TPST1: variants seen among roughly 807,000 people sequenced by gnomAD.
TPST1 encodes tyrosylprotein sulfotransferase 1.
In TPST1, 20 loss-of-function variants were observed where a neutral mutation model predicts 34.8. That is an observed-to-expected ratio of 0.57 (90% CI 0.40 to 0.84). The LOEUF (loss-of-function observed/expected upper bound fraction) is 0.84, where lower values mean the gene tolerates loss of function less well. TPST1 is among the 40% of genes least tolerant of loss of function. The pLI, the probability that TPST1 is intolerant of heterozygous loss-of-function variation, is 0.00. For missense variants in TPST1, 353 were observed against 455.5 expected (o/e 0.78, Z 2.05); for synonymous variants, 152 against 159.4 (o/e 0.95, Z 0.35).
intron 3 of TPST1, among the ~76,000 whole-genome samples, chr7:66,323,490 T>G (rs559679490): frequency 6.6e-6 from 1 of 152,348 alleles, no homozygotes; most frequent in African/African-American, 2.4e-5. Flanking sequence ...TTCTTTATAT[T>G]TTATTATTAT....
At chr7:66,307,858 A>T (rs1207793449) in intron 3 of TPST1, among the ~76,000 whole-genome samples, 1 of 152,224 alleles carries the variant, frequency 6.6e-6, no homozygotes, top group Non-Finnish European at 1.5e-5. Context: ...CATTTTGTCC[A>T]CTTGGTTATT....
chr7:66,214,152 C>A (rs1367310324), intron 1 of TPST1, among the ~76,000 whole-genome samples: 1 of 152,012 alleles, frequency 6.6e-6, no homozygotes, highest in African/African-American at 2.4e-5. Flanking sequence ...AAAAACCATA[C>A]CACACACTCC....
chr7:66,310,008 G>A (rs147840712), intron 3 of TPST1, among the ~76,000 whole-genome samples: 3 of 152,182 alleles, frequency 2.0e-5, no homozygotes, highest in Non-Finnish European at 4.4e-5. Context: ...AGTTATGGTG[G>A]CAAAACAGGT....
At chr7:66,348,487 T>C (rs927455285) in intron 3 of TPST1, among the ~76,000 whole-genome samples, 2 of 152,234 alleles carry the variant, frequency 1.3e-5, no homozygotes, top group Non-Finnish European at 2.9e-5. Context: ...ATTTTTTTTA[T>C]TATTTTAATT....
intron 1 of TPST1, among the ~76,000 whole-genome samples, chr7:66,239,899 TGAGACA>T (rs2116400492): frequency 6.6e-6 from 1 of 152,286 alleles, no homozygotes; most frequent in African/African-American, 2.4e-5. Flanking sequence ...TTTGTTTTTT[TGAGACA>T]GAGTCTTGCT....
chr7:66,332,377 C>T lies in TPST1; in HGVS notation c.1045-20128C>T, dbSNP rs1584247506. Among the ~76,000 whole-genome samples, 1 of 151,916 alleles carries T rather than the reference C, an allele frequency of 6.6e-6. No homozygotes were observed. Among genetic ancestry groups the T allele is most frequent in the South Asian group, 2.1e-4 (1 of 4,812 alleles). ...CCGTCTCCTGAGTTCAAGCGATTCT[C>T]CTGCCTCAGCCTCCCGAGTAGCTGG... On this transcript the variant is annotated intron_variant, in intron 3 of 5. Transcript: ENST00000304842. This position sits in a 1 kb window ranked among gnomAD's most constrained non-coding sequence, Gnocchi z 4.5.
chr7:66,283,255 C>T lies in TPST1; in HGVS notation c.846-3256C>T, dbSNP rs369975826. ...CAGCCTGGGTGACAGAGCAAGAGTC[C>T]GTCTCAAAAAACAAAAACAAAAAAA... is the stretch of plus-strand genomic sequence containing the variant. On this transcript the variant is annotated intron_variant, in intron 2 of 5. Transcript: ENST00000304842. 5.7e-4 allele frequency among the ~76,000 whole-genome samples: 87 copies of T among 151,948 alleles called. 1 individual carries two copies. In the East Asian group the frequency reaches 0.012, roughly 21 times the overall value.
At chr7:66,349,669 C>G (rs74636916) in intron 3 of TPST1, among the ~76,000 whole-genome samples, 2,230 of 152,272 alleles carry the variant, frequency 0.015, 61 homozygotes, top group East Asian at 0.093. Flanking sequence ...TGAACTGGTT[C>G]TGTAAAGCAG....
At chr7:66,224,154 AGCT>A (rs1253408162) in intron 1 of TPST1, among the ~76,000 whole-genome samples, 1 of 152,210 alleles carries the variant, frequency 6.6e-6, no homozygotes, top group Non-Finnish European at 1.5e-5. Context: ...TCTGACCATG[AGCT>A]GACATAAGAA....
At chr7:66,307,778 C>T (rs753211224) in intron 3 of TPST1, among the ~76,000 whole-genome samples, 1 of 152,184 alleles carries the variant, frequency 6.6e-6, no homozygotes, top group Admixed American at 6.5e-5. Flanking sequence ...CTGTTGCTCT[C>T]ACAGTAGGAT....
intron 1 of TPST1, among the ~76,000 whole-genome samples, chr7:66,211,876 G>A (rs1373154306): frequency 6.6e-6 from 1 of 152,186 alleles, no homozygotes; most frequent in African/African-American, 2.4e-5. Flanking sequence ...TGAGGCAGGA[G>A]AATCCCTTGA....
chr7:66,304,347 G>C (rs1584223514), intron 3 of TPST1, among the ~76,000 whole-genome samples: 1 of 152,182 alleles, frequency 6.6e-6, no homozygotes, highest in East Asian at 1.9e-4. Flanking sequence ...CTGCCACGGG[G>C]ATAAAGTGGA....
chr7:66,292,630 T>A, intron 3 of TPST1, among the ~76,000 whole-genome samples: 1 of 122,522 alleles, frequency 8.2e-6, no homozygotes, highest in South Asian at 2.7e-4. Context: ...TCCAGGTGCG[T>A]CCGTCACCCC....
At chr7:66,357,604 G>A (rs1041239863) in intron 5 of TPST1, among the ~76,000 whole-genome samples, 1 of 152,102 alleles carries the variant, frequency 6.6e-6, no homozygotes, top group Non-Finnish European at 1.5e-5. Flanking sequence ...ACATGTCCAG[G>A]GACACCAGCT....
rs368306626 is a variant in TPST1 at position 66,230,178 on chromosome 7, ACT to A, written c.-101-10144_-101-10143del. Among the ~76,000 whole-genome samples, 306 of 152,174 alleles carry A rather than the reference ACT, an allele frequency of 2.0e-3. 1 individual carries two copies. The highest frequency in any genetic ancestry group is 7.2e-3 in the African/African-American group (299 of 41,522). Reference sequence around the variant, plus strand: ...ACTCCAGCCTGGGTGACAGTGCAAGACTCTGTCTCAAACAAACAAACAAAAAC... The same window carrying A: ...ACTCCAGCCTGGGTGACAGTGCAAGACTGTCTCAAACAAACAAACAAAAAC... On this transcript the variant is annotated intron_variant, in intron 1 of 5. Coordinates refer to ENST00000304842, the MANE Select transcript of TPST1 (RefSeq NM_003596.4).
rs71526540 is a variant in TPST1 at position 66,339,833 on chromosome 7, TA to T, written c.1045-12652del. Among the ~76,000 whole-genome samples the T allele has an allele frequency of 9.5e-3, 1,063 of 112,446 alleles. 11 individuals are homozygous for T. The highest frequency in any genetic ancestry group is 0.029 in the Middle Eastern group (6 of 206). 73.8% of individuals were successfully genotyped at this position (112,446 alleles called of 152,430 possible). On this transcript the variant is annotated intron_variant, in intron 3 of 5. Transcript: ENST00000304842. ...AAACCAGCACATGTACCCCTCAACC[TA>T]AAAAAAAAAAAAAAAAAAATCATCA...
intron 2 of TPST1, among the ~76,000 whole-genome samples, chr7:66,269,472 T>C (rs1237188653): frequency 2.1e-4 from 32 of 152,226 alleles, no homozygotes; most frequent in Non-Finnish European, 1.5e-5. Context: ...CAGAATGTAC[T>C]ACATCAATAA....
At chr7:66,250,273 G>T (rs768070349) in intron 2 of TPST1, among the ~76,000 whole-genome samples, 2 of 152,204 alleles carry the variant, frequency 1.3e-5, no homozygotes, top group Non-Finnish European at 2.9e-5. Context: ...GAGGCTCCCA[G>T]AAGTTGAGGA....
intron 1 of TPST1, among the ~76,000 whole-genome samples, chr7:66,231,459 G>T (rs1228187141): frequency 6.6e-6 from 1 of 152,240 alleles, no homozygotes; most frequent in Non-Finnish European, 1.5e-5. Context: ...TATGGAGGGG[G>T]TGGGAGGCTC....
Sources: allele counts gnomAD v4.1 joint callset (sites outside exome capture counted in the v4.1 genomes callset), GRCh38; gene constraint gnomAD v4.1.1; non-coding constraint Gnocchi (gnomAD v3.1); transcripts MANE v1.5; gene names NCBI Gene and HGNC (gene_info 2026-07-23, HGNC 2026-07-21).